Variants in CADPS2 observed in about 807,000 individuals in gnomAD.
The protein encoded by CADPS2 is calcium dependent secretion activator 2, also known as calcium-dependent secretion activator 2.
Under a neutral mutation model 172.5 loss-of-function variants are expected in CADPS2, and 93 were observed. The ratio of observed to expected loss-of-function variants is 0.54; its 90% CI spans 0.46 to 0.64. The LOEUF is 0.64. Ranked by LOEUF, CADPS2 falls within the 30% of genes least tolerant of loss-of-function variation. CADPS2 has a pLI of 0.00. For missense variants in CADPS2, 1,420 were observed against 1,565.9 expected (o/e 0.91, Z 1.57); for synonymous variants, 546 against 555.2 (o/e 0.98, Z 0.23).
At chr7:122,810,524 C>T (rs1318973043) in intron 1 of CADPS2, among the ~76,000 whole-genome samples, 1 of 152,148 alleles carries the variant, frequency 6.6e-6, no homozygotes, top group African/African-American at 2.4e-5. Context: ...AAAAGAATCA[C>T]CTTAAGTCCT....
intron 7 of CADPS2, among the ~76,000 whole-genome samples, chr7:122,571,658 T>A (rs2067274148): frequency 6.6e-6 from 1 of 152,168 alleles, no homozygotes; most frequent in Admixed American, 6.6e-5. Flanking sequence ...AGAATTTGCA[T>A]CTTATGTGAA....
chr7:122,642,635 T>C (rs2077797436), intron 3 of CADPS2, among the ~76,000 whole-genome samples: 1 of 152,166 alleles, frequency 6.6e-6, no homozygotes, highest in South Asian at 2.1e-4. Flanking sequence ...TCATTAAATT[T>C]ACTTATATCT....
At chr7:122,429,225 T>C (rs1041970276) in intron 17 of CADPS2, among the ~76,000 whole-genome samples, 1 of 151,444 alleles carries the variant, frequency 6.6e-6, no homozygotes, top group South Asian at 2.1e-4. Flanking sequence ...ACAAAACCAA[T>C]ATTTTCCAAA....
chr7:122,367,306 G>C (rs546860264), intron 25 of CADPS2, among the ~76,000 whole-genome samples: 1 of 152,056 alleles, frequency 6.6e-6, no homozygotes, highest in Non-Finnish European at 1.5e-5. Flanking sequence ...GAGAGAGAGA[G>C]AGAATGTATA....
intron 7 of CADPS2, among the ~76,000 whole-genome samples, chr7:122,576,773 A>ATTTT (rs1257767347): frequency 5.7e-4 from 77 of 135,894 alleles, no homozygotes; most frequent in African/African-American, 1.7e-3. Flanking sequence ...AGGAGATCTG[A>ATTTT]TTTTTTTTTT....
At chr7:122,525,597 A>C (rs1478683687) in intron 8 of CADPS2, among the ~76,000 whole-genome samples, 1 of 152,192 alleles carries the variant, frequency 6.6e-6, no homozygotes, top group African/African-American at 2.4e-5. Context: ...CTTGTGTTTA[A>C]ATACAGTCAT....
At chr7:122,712,097 G>A (rs2088844093) in intron 2 of CADPS2, among the ~76,000 whole-genome samples, 1 of 151,684 alleles carries the variant, frequency 6.6e-6, no homozygotes, top group African/African-American at 2.4e-5. Flanking sequence ...CCTTTCTTAG[G>A]AAATTATTTC....
chr7:122,707,263 G>A (rs1048490342), intron 2 of CADPS2, among the ~76,000 whole-genome samples: 3 of 151,844 alleles, frequency 2.0e-5, no homozygotes, highest in Admixed American at 6.6e-5. Flanking sequence ...GCATCATCTA[G>A]GCAGAATAAA....
In CADPS2 at chr7:122,393,526, C is replaced by A; in HGVS notation, c.2803G>T (p.Val935Phe). 1 of 1,613,780 alleles carries A rather than the reference C, an allele frequency of 6.2e-7. No individual in the cohort carries two copies. Among genetic ancestry groups the A allele is most frequent in the Non-Finnish European group, 8.5e-7 (1 of 1,179,828 alleles). ...TCCATGAGATCCACATAGCGGACAA[C>A]CAAGGGTACAAAGATTTCTTGCAAG... ...KHLQEIFVPL[V>F]VRYVDLMESS... The change falls in exon 21 of 30, where the codon GTT becomes TTT. Residue 935 changes from valine (V) to phenylalanine (F), a missense_variant. Transcript: ENST00000449022.
intron 9 of CADPS2, among the ~76,000 whole-genome samples, chr7:122,499,793 ATACT>A (rs2059046480): frequency 6.6e-6 from 1 of 152,306 alleles, no homozygotes; most frequent in African/African-American, 2.4e-5. Flanking sequence ...CTACAAAGTA[ATACT>A]TTTATCATCA....
chr7:122,607,829 T>C (rs2073778657), intron 6 of CADPS2, among the ~76,000 whole-genome samples: 1 of 152,174 alleles, frequency 6.6e-6, no homozygotes, highest in Non-Finnish European at 1.5e-5. Flanking sequence ...AATTTATTTA[T>C]ATAAAAAGAA....
At chr7:122,422,061 G>A (rs555565524) in intron 17 of CADPS2, 5 of 152,262 alleles carry the variant, frequency 3.3e-5, no homozygotes, top group African/African-American at 1.2e-4. Flanking sequence ...GATGGCTGAG[G>A]TGAGAAACAC....
intron 8 of CADPS2, among the ~76,000 whole-genome samples, chr7:122,548,508 A>C (rs1437589312): frequency 2.0e-5 from 3 of 152,230 alleles, no homozygotes; most frequent in African/African-American, 7.2e-5. Flanking sequence ...TGTATCATAA[A>C]ACTTGACAAA....
At chr7:122,740,575 T>C (rs943608613) in intron 1 of CADPS2, among the ~76,000 whole-genome samples, 2 of 152,074 alleles carry the variant, frequency 1.3e-5, no homozygotes, top group Non-Finnish European at 2.9e-5. Context: ...AGGATATATA[T>C]GGGAAATTTC....
At chr7:122,417,060 A>T (rs1034131987) in intron 17 of CADPS2, among the ~76,000 whole-genome samples, 2 of 152,180 alleles carry the variant, frequency 1.3e-5, no homozygotes, top group African/African-American at 4.8e-5. Flanking sequence ...TCAGTAAAAG[A>T]GATTCTTCTG....
intron 27 of CADPS2, among the ~76,000 whole-genome samples, chr7:122,348,293 A>C (rs2037993522): frequency 6.6e-6 from 1 of 152,208 alleles, no homozygotes. Context: ...ATCACTTATA[A>C]GATTAGACTA....
At chr7:122,592,267 G>A (rs568138466) in intron 6 of CADPS2, among the ~76,000 whole-genome samples, 5 of 152,196 alleles carry the variant, frequency 3.3e-5, no homozygotes, top group Non-Finnish European at 7.4e-5. Context: ...TCAGAGAAAT[G>A]CAAATCAAAA....
At chr7:122,783,149 G>A (rs1793182880) in intron 1 of CADPS2, among the ~76,000 whole-genome samples, 2 of 148,526 alleles carry the variant, frequency 1.3e-5, no homozygotes, top group Non-Finnish European at 3.0e-5. Context: ...CTGGGAGGGG[G>A]AGCTTGCAGT....
In CADPS2 at chr7:122,428,466, TA is replaced by T. The variant is rs1563313524; in HGVS notation, c.2476+9874del. On this transcript the variant is annotated intron_variant, in intron 17 of 29. Coordinates refer to ENST00000449022, the MANE Select transcript of CADPS2 (RefSeq NM_017954.11). ...ATATATACACACATATATATATATA[TA>T]TATATTTTTTTTTTTTTGAGACGGA... Among the ~76,000 whole-genome samples, 1,199 of 128,594 alleles carry T rather than the reference TA, an allele frequency of 9.3e-3. 17 individuals are homozygous for T. Among genetic ancestry groups the T allele is most frequent in the African/African-American group, 0.036 (1,145 of 32,010 alleles). The allele number at this position is 128,594 out of a possible 152,430, so 84.4% of individuals were successfully genotyped here.
Sources: gnomAD v4.1 joint callset for allele counts (sites outside exome capture counted in the v4.1 genomes callset) on GRCh38, gnomAD v4.1.1 for gene constraint, MANE v1.5 for transcripts, NCBI Gene and HGNC (gene_info 2026-07-23, HGNC 2026-07-21) for gene names.